The following AHCYL2 variants were observed in gnomAD, a reference collection of about 807,000 sequenced individuals.
The protein encoded by AHCYL2 is adenosylhomocysteinase like 2, also known as S-adenosylhomocysteine hydrolase-like protein 2.
AHCYL2 carries 28 observed loss-of-function variants against 81.4 expected under a neutral mutation model. That is an observed-to-expected ratio of 0.34 (90% CI 0.25 to 0.47). The LOEUF (loss-of-function observed/expected upper bound fraction) is 0.47. Ranked by LOEUF, AHCYL2 falls within the 20% of genes least tolerant of loss-of-function variation. AHCYL2 has a pLI of 1.00. For synonymous variants in AHCYL2, 272 were observed against 290.2 expected, an observed-to-expected ratio of 0.94 and a Z score of 0.64; for missense variants, 551 against 785.1, an observed-to-expected ratio of 0.70 and a Z score of 3.56.
Position 129,429,261 on chromosome 7 carries a change from CTG to C in AHCYL2, c.*2220_*2221del, listed in dbSNP as rs1308119465. 1 of 152,180 alleles carries C rather than the reference CTG, an allele frequency of 6.6e-6. No homozygotes were observed. The highest frequency in any genetic ancestry group is 1.5e-5 in the Non-Finnish European group (1 of 68,044). 9.4% of individuals were successfully genotyped at this position (152,180 alleles called of 1,614,324 possible). A position where few individuals can be genotyped will look rare whatever the true frequency, so the allele number is the denominator to read the frequency against. On this transcript the variant is annotated 3_prime_UTR_variant, in exon 17 of 17. Transcript: ENST00000325006. ...TTCAGATGACCTCTCTGTAGGGACA[CTG>C]TGTTATCAACCATTAAGAAGAAAGA...
intron 1 of AHCYL2, among the ~76,000 whole-genome samples, chr7:129,333,810 T>C (rs1798503558): frequency 1.3e-5 from 2 of 152,238 alleles, no homozygotes; most frequent in African/African-American, 4.8e-5. Context: ...CTTAAGTTTC[T>C]CACTGGGCTG....
intron 2 of AHCYL2, among the ~76,000 whole-genome samples, chr7:129,387,616 G>C (rs1345477844): frequency 6.6e-6 from 1 of 152,198 alleles, no homozygotes; most frequent in African/African-American, 2.4e-5. Context: ...CTCTCAGGTG[G>C]TAGAAGCATG....
At chr7:129,351,442 GA>G (rs1406754203) in intron 1 of AHCYL2, 1 of 151,996 alleles carries the variant, frequency 6.6e-6, no homozygotes, top group African/African-American at 2.4e-5. Context: ...ACAGCCTCTG[GA>G]AAACCCCACT....
At chr7:129,271,704 TG>T (rs1387354744) in intron 1 of AHCYL2, among the ~76,000 whole-genome samples, 1 of 152,248 alleles carries the variant, frequency 6.6e-6, no homozygotes, top group African/African-American at 2.4e-5. Context: ...ATTTATAATT[TG>T]TATACTTCCT....
chr7:129,300,857 T>TG (rs1797234749), intron 1 of AHCYL2, among the ~76,000 whole-genome samples: 2 of 152,190 alleles, frequency 1.3e-5, no homozygotes, highest in African/African-American at 4.8e-5. Context: ...TTTTTTGAGA[T>TG]GGAGTCTCAC....
At chr7:129,364,577 C>T (rs1429245795) in intron 1 of AHCYL2, among the ~76,000 whole-genome samples, 1 of 152,222 alleles carries the variant, frequency 6.6e-6, no homozygotes, top group Non-Finnish European at 1.5e-5. Flanking sequence ...AGGCGTGAGC[C>T]ACTGCGCCCA....
intron 1 of AHCYL2, among the ~76,000 whole-genome samples, chr7:129,260,142 G>T (rs896126096): frequency 2.5e-4 from 37 of 149,182 alleles, no homozygotes; most frequent in Admixed American, 2.4e-3. Context: ...CCTTAGTTAT[G>T]CCTGCTTAGC....
At chr7:129,402,233 T>C (rs1796072551) in intron 6 of AHCYL2, among the ~76,000 whole-genome samples, 1 of 152,168 alleles carries the variant, frequency 6.6e-6, no homozygotes, top group African/African-American at 2.4e-5. Context: ...TTTCTACTTG[T>C]AGTATGGAGC....
intron 1 of AHCYL2, among the ~76,000 whole-genome samples, chr7:129,346,162 T>C (rs1223149045): frequency 6.6e-6 from 1 of 152,168 alleles, no homozygotes; most frequent in Non-Finnish European, 1.5e-5. Flanking sequence ...TTTGGTTTTG[T>C]TCCTTTTCCT....
At chr7:129,297,523 C>T (rs1025445787) in intron 1 of AHCYL2, among the ~76,000 whole-genome samples, 7 of 152,156 alleles carry the variant, frequency 4.6e-5, no homozygotes, top group Admixed American at 1.3e-4. Flanking sequence ...TAATTGGTCT[C>T]CTTCCTCCTA....
chr7:129,414,860 C>G (rs1458037928), intron 12 of AHCYL2, among the ~76,000 whole-genome samples: 2 of 152,170 alleles, frequency 1.3e-5, no homozygotes, highest in Non-Finnish European at 2.9e-5. Flanking sequence ...GCTTTCATCT[C>G]CACTGAGGGC....
intron 1 of AHCYL2, among the ~76,000 whole-genome samples, chr7:129,317,189 A>G (rs2150782937): frequency 1.3e-5 from 2 of 152,340 alleles, no homozygotes; most frequent in Middle Eastern, 6.8e-3. Context: ...CTCTTCTTTT[A>G]CATCTGGGCT....
intron 1 of AHCYL2, among the ~76,000 whole-genome samples, chr7:129,257,726 C>A (rs2150711557): frequency 6.6e-6 from 1 of 152,198 alleles, no homozygotes; most frequent in East Asian, 1.9e-4. Context: ...GTTGTCCATA[C>A]CCTTTCCCCA....
chr7:129,319,323 T>G (rs1797932656), intron 1 of AHCYL2, among the ~76,000 whole-genome samples: 1 of 151,904 alleles, frequency 6.6e-6, no homozygotes. Context: ...GGCCTGGTGG[T>G]GCCCACCTGT....
chr7:129,230,876 T>G (rs1794412223), intron 1 of AHCYL2, among the ~76,000 whole-genome samples: 1 of 152,106 alleles, frequency 6.6e-6, no homozygotes, highest in African/African-American at 2.4e-5. Flanking sequence ...TGGCCCTAAA[T>G]CTTAATCTGT....
chr7:129,260,085 A>G (rs1321738983), intron 1 of AHCYL2, among the ~76,000 whole-genome samples: 1 of 152,110 alleles, frequency 6.6e-6, no homozygotes, highest in Non-Finnish European at 1.5e-5. Flanking sequence ...TCAAAAAAAA[A>G]AAAAAAAAGC....
At chr7:129,232,224 C>G (rs910174496) in intron 1 of AHCYL2, among the ~76,000 whole-genome samples, 3 of 152,206 alleles carry the variant, frequency 2.0e-5, no homozygotes, top group African/African-American at 7.2e-5. Flanking sequence ...CTACCATTTA[C>G]TGAATACTTA....
chr7:129,349,234 A>T (rs147046340), intron 1 of AHCYL2, among the ~76,000 whole-genome samples: 135 of 152,258 alleles, frequency 8.9e-4, no homozygotes, highest in African/African-American at 3.1e-3. Flanking sequence ...AAAATTAGAA[A>T]TATTGTCATA....
chr7:129,250,976 G>A (rs1373873111), intron 1 of AHCYL2, among the ~76,000 whole-genome samples: 2 of 152,138 alleles, frequency 1.3e-5, no homozygotes, highest in East Asian at 1.9e-4. Flanking sequence ...AACCGGTGAA[G>A]CCTTTGTGTT....
Sources: gnomAD v4.1 joint callset for allele counts (sites outside exome capture counted in the v4.1 genomes callset) on GRCh38, gnomAD v4.1.1 for gene constraint, MANE v1.5 for transcripts, NCBI Gene and HGNC (gene_info 2026-07-23, HGNC 2026-07-21) for gene names.